The following TACC2 variants were observed in gnomAD, a reference collection of about 807,000 sequenced individuals.
The protein encoded by TACC2 is transforming acidic coiled-coil-containing protein 2.
Under a neutral mutation model 227.3 loss-of-function variants are expected in TACC2, and 137 were observed. The ratio of observed to expected loss-of-function variants is 0.60; its 90% CI spans 0.52 to 0.69. The LOEUF (loss-of-function observed/expected upper bound fraction) is 0.69, where lower values mean the gene tolerates loss of function less well. TACC2 is among the 30% of genes least tolerant of loss of function. The probability of loss-of-function intolerance (pLI) is 0.00; values close to 1 mark genes in which losing one functional copy is unlikely to be tolerated. For missense variants in TACC2, 3,470 were observed against 3,694.4 expected, an observed-to-expected ratio of 0.94 and a Z score of 1.57; for synonymous variants, 1,523 against 1,487.5, an observed-to-expected ratio of 1.02 and a Z score of -0.55.
At chr10:122,045,825 A>G (rs775462216) in intron 2 of TACC2, among the ~76,000 whole-genome samples, 2 of 152,248 alleles carry the variant, frequency 1.3e-5, no homozygotes, top group Non-Finnish European at 2.9e-5. Context: ...AACTCCATCC[A>G]GATATGTTTG....
At chr10:122,173,242 A>G (rs2093563594) in intron 7 of TACC2, among the ~76,000 whole-genome samples, 1 of 152,188 alleles carries the variant, frequency 6.6e-6, no homozygotes, top group Non-Finnish European at 1.5e-5. Context: ...CCTTTGATCT[A>G]GAACAGCTGA....
intron 3 of TACC2, among the ~76,000 whole-genome samples, chr10:122,052,898 C>T (rs552648147): frequency 2.6e-5 from 4 of 152,316 alleles, no homozygotes; most frequent in East Asian, 3.9e-4. Context: ...GAGCAGGGCT[C>T]CTGTGTGCGG....
In TACC2 at chr10:122,086,860, G is replaced by A; in HGVS notation, c.4360G>A (p.Gly1454Arg). 5 of 1,613,984 alleles carry A rather than the reference G, an allele frequency of 3.1e-6. No homozygotes were observed. Among genetic ancestry groups the A allele is most frequent in the Non-Finnish European group, 3.4e-6 (4 of 1,180,008 alleles). Residue 1454 changes from glycine (G) to arginine (R), a missense_variant, in exon 4 of 23, where the codon GGG (glycine) becomes AGG (arginine). Physicochemically the swap from Gly to Arg is moderately radical, Grantham distance 125 (BLOSUM62 -2). Around this residue, in one of 10 missense-constraint regions of TACC2, gnomAD observed 1,924 missense variants for 1,978.3 expected, o/e 0.97. Transcript: ENST00000369005. ...RPLGPEKLLD[G>R]PPGVDVTLLP... ...ATTGGGCCCAGAGAAGCTTCTAGAT[G>A]GGCCTCCAGGAGTGGATGTCACCCT...
rs142327586 is a variant in TACC2, at chr10:122,029,239, T to C, written c.33+7225T>C. ...CCTAGTTTGCTGTGGGTTTTTATCA[T>C]GAATGAGTGTTCGGTTTTGTCAGAT... On this transcript the variant is annotated intron_variant, in intron 2 of 22. Coordinates refer to ENST00000369005, the MANE Select transcript of TACC2 (RefSeq NM_206862.4). Among the ~76,000 whole-genome samples the C allele has an allele frequency of 3.8e-3, 580 of 152,060 alleles. 6 individuals are homozygous for C. The highest frequency in any genetic ancestry group is 0.013 in the African/African-American group (550 of 41,464).
chr10:122,129,915 T>C (rs1205055305), intron 5 of TACC2, among the ~76,000 whole-genome samples: 4 of 152,140 alleles, frequency 2.6e-5, no homozygotes, highest in Non-Finnish European at 5.9e-5. Context: ...GAGAGGATAG[T>C]TTTGGGAAAT....
rs1565631962 is a variant in TACC2 at position 122,210,767 on chromosome 10, C to T, written c.6342C>T (p.Ser2114=). The T allele has an allele frequency of 6.2e-7, 1 of 1,613,914 alleles. No homozygotes were observed. Residue 2114 remains serine, a synonymous_variant, in exon 9 of 23, where the codon AGC becomes AGT. Coordinates refer to ENST00000369005, the MANE Select transcript of TACC2 (RefSeq NM_206862.4). The surrounding 1 kb of genome is among the most constrained non-coding windows in gnomAD (Gnocchi z 4.6). ...EAVALAPDAY[S]TGSSSASSTL... Reference sequence around the variant, plus strand: ...TGGCCCTTGCCCCAGATGCATATAGCACGGGTTCCAGCAGTGCTTCTAGTA... The same window carrying T: ...TGGCCCTTGCCCCAGATGCATATAGTACGGGTTCCAGCAGTGCTTCTAGTA...
At chr10:122,233,518 T>C (rs1472218929) in intron 16 of TACC2, among the ~76,000 whole-genome samples, 1 of 152,188 alleles carries the variant, frequency 6.6e-6, no homozygotes, top group Non-Finnish European at 1.5e-5. Context: ...GGCCGATGCC[T>C]GGAGCTTACA....
intron 3 of TACC2, among the ~76,000 whole-genome samples, chr10:122,054,861 C>G (rs2076061512): frequency 6.6e-6 from 1 of 152,180 alleles, no homozygotes; most frequent in Non-Finnish European, 1.5e-5. Context: ...TGTTTGAACA[C>G]AAGGGAGAGA....
At chr10:122,032,596 C>T (rs997576037) in intron 2 of TACC2, among the ~76,000 whole-genome samples, 1 of 152,166 alleles carries the variant, frequency 6.6e-6, no homozygotes, top group Admixed American at 6.5e-5. Flanking sequence ...TTCCTCTTCT[C>T]TCTCTCTGTT....
chr10:122,162,673 G>A (rs1474312011), intron 7 of TACC2, among the ~76,000 whole-genome samples: 2 of 152,214 alleles, frequency 1.3e-5, no homozygotes, highest in African/African-American at 2.4e-5. Flanking sequence ...TTCTGAGCCT[G>A]CCATAGGCCA....
Position 122,086,514 on chromosome 10 carries a change from C to T in TACC2, c.4014C>T (p.Gly1338=). Residue 1338 remains glycine (G), a synonymous_variant, in exon 4 of 23, where the codon GGC becomes GGT. Transcript: ENST00000369005. ...CLDRMPLLAK[G]KQATGEEKAA... ...ACCGGATGCCACTTCTGGCCAAGGGCAAGCAGGCAACAGGGGAAGAGAAAG... is the reference window on the plus strand; with the variant it reads ...ACCGGATGCCACTTCTGGCCAAGGGTAAGCAGGCAACAGGGGAAGAGAAAG... 1 of 1,612,892 alleles carries T rather than the reference C, an allele frequency of 6.2e-7. No individual in the cohort carries two copies. Among genetic ancestry groups the T allele is most frequent in the Admixed American group, 1.7e-5 (1 of 59,962 alleles).
At chr10:122,039,881 GA>G (rs2074032879) in intron 2 of TACC2, among the ~76,000 whole-genome samples, 1 of 152,164 alleles carries the variant, frequency 6.6e-6, no homozygotes, top group African/African-American at 2.4e-5. Flanking sequence ...TGAGGGAAGA[GA>G]AGCCATCGAC....
At chr10:122,128,264 A>G (rs993762187) in intron 5 of TACC2, among the ~76,000 whole-genome samples, 4 of 152,212 alleles carry the variant, frequency 2.6e-5, no homozygotes, top group Admixed American at 2.6e-4. Context: ...TACGGTGGTT[A>G]CATTTGGTGC....
rs369628913 is a variant in TACC2, at chr10:122,045,359, G to C, written c.34-5079G>C. The stretch of plus-strand genomic sequence containing the variant: ...GAAGCAGCGTAAGGCAGGGACAAGA[G>C]CACAGACTCTGGAGCCAAACCATCC... On this transcript the variant is annotated intron_variant, in intron 2 of 22. Coordinates refer to ENST00000369005, the MANE Select transcript of TACC2 (RefSeq NM_206862.4). Among the ~76,000 whole-genome samples, 16 of 152,364 alleles carry C rather than the reference G, an allele frequency of 1.1e-4. 1 individual carries two copies. Among genetic ancestry groups the C allele is most frequent in the Admixed American group, 5.9e-4 (9 of 15,306 alleles).
chr10:122,211,672 A>T lies in TACC2; in HGVS notation c.7247A>T (p.Asn2416Ile). 1 of 1,573,708 alleles carries T rather than the reference A, an allele frequency of 6.4e-7. No individual in the cohort carries two copies. The highest frequency in any genetic ancestry group is 2.2e-5 in the East Asian group (1 of 44,686). The change falls in exon 9 of 23, where the codon AAC (asparagine) becomes ATC (isoleucine). Residue 2416 changes from asparagine to isoleucine, a missense_variant. Physicochemically the swap from Asn to Ile is moderately radical, Grantham distance 149 (BLOSUM62 -3). Around this residue, in one of 10 missense-constraint regions of TACC2, gnomAD observed 593 missense variants for 636.6 expected, o/e 0.93. Transcript: ENST00000369005. ...AATGGAGTGGACGGGGATGGGCTAA[A>T]CAAGCCCGCCAAGAAGAAGAAGACG... is the stretch of plus-strand genomic sequence containing the variant. ...EANGVDGDGL[N>I]KPAKKKKTPL...
intron 13 of TACC2, among the ~76,000 whole-genome samples, chr10:122,227,096 C>T (rs545935417): frequency 7.0e-4 from 106 of 152,236 alleles, no homozygotes; most frequent in African/African-American, 2.2e-3. Flanking sequence ...AGAGCGTCCC[C>T]GAGCTGTGTG....
chr10:122,063,602 C>G (rs2077070504), intron 3 of TACC2, among the ~76,000 whole-genome samples: 1 of 152,052 alleles, frequency 6.6e-6, no homozygotes, highest in Admixed American at 6.6e-5. Context: ...ATTGTAGCAA[C>G]TTGGAACATA....
Position 122,072,983 on chromosome 10 carries a change from C to T in TACC2, c.147-9664C>T, listed in dbSNP as rs545846907. On this transcript the variant is annotated intron_variant, in intron 3 of 22. Coordinates refer to ENST00000369005, the MANE Select transcript of TACC2 (RefSeq NM_206862.4). Reference sequence around the variant, plus strand: ...AAAAAATTAGCCAGGCGTGGTGGCGCGGGCCTGTAGTCCCAGCTGCTAGGG... The same window carrying T: ...AAAAAATTAGCCAGGCGTGGTGGCGTGGGCCTGTAGTCCCAGCTGCTAGGG... Among the ~76,000 whole-genome samples, 24 of 150,844 alleles carry T rather than the reference C, an allele frequency of 1.6e-4. No individual in the cohort carries two copies. The South Asian group carries it at 4.4e-3, about 28-fold the overall frequency.
intron 2 of TACC2, among the ~76,000 whole-genome samples, chr10:122,044,221 C>T (rs1175679382): frequency 6.6e-6 from 1 of 152,242 alleles, no homozygotes; most frequent in African/African-American, 2.4e-5. Flanking sequence ...TGAAATCCCA[C>T]GCTGGCAGCC....
Sources: allele counts gnomAD v4.1 joint callset (sites outside exome capture counted in the v4.1 genomes callset), GRCh38; gene constraint gnomAD v4.1.1; regional missense constraint gnomAD v4.1.1; non-coding constraint Gnocchi (gnomAD v3.1); transcripts MANE v1.5; gene names NCBI Gene and HGNC (gene_info 2026-07-23, HGNC 2026-07-21).